Variants in CLSTN2 observed in about 807,000 individuals in gnomAD.
The protein encoded by CLSTN2 is calsyntenin 2, also known as calsyntenin-2.
A neutral mutation model predicts 101.2 loss-of-function variants in CLSTN2; 48 were observed. The observed-to-expected ratio is 0.47, with a 90% CI of 0.38 to 0.60. The LOEUF (loss-of-function observed/expected upper bound fraction) is 0.60. Ranked by LOEUF, CLSTN2 falls within the 20% of genes least tolerant of loss-of-function variation. The pLI is 0.00. For synonymous variants in CLSTN2, 481 were observed against 463.6 expected, an observed-to-expected ratio of 1.04 and a Z score of -0.48; for missense variants, 1,160 against 1,238.2, an observed-to-expected ratio of 0.94 and a Z score of 0.95.
chr3:139,989,670 A>G (rs1292457041), intron 1 of CLSTN2, among the ~76,000 whole-genome samples: 1 of 152,182 alleles, frequency 6.6e-6, no homozygotes, highest in Non-Finnish European at 1.5e-5. Context: ...AATGTACTCA[A>G]CAATTCTGCA....
chr3:140,048,926 T>C (rs1340610868), intron 1 of CLSTN2, among the ~76,000 whole-genome samples: 2 of 152,158 alleles, frequency 1.3e-5, no homozygotes, highest in African/African-American at 4.8e-5. Flanking sequence ...GCTGCTTCAC[T>C]ACCTCCATTC....
intron 1 of CLSTN2, among the ~76,000 whole-genome samples, chr3:139,990,124 T>A (rs1185892691): frequency 6.6e-6 from 1 of 152,222 alleles, no homozygotes. Context: ...GTGCTGTTAT[T>A]TTAACATACA....
chr3:140,381,767 C>T (rs921305480), intron 2 of CLSTN2, among the ~76,000 whole-genome samples: 1 of 152,226 alleles, frequency 6.6e-6, no homozygotes, highest in Non-Finnish European at 1.5e-5. Context: ...GTGCCAGAAA[C>T]AGGCTGGTGA....
At chr3:140,429,216 T>G (rs1191529423) in intron 5 of CLSTN2, among the ~76,000 whole-genome samples, 2 of 152,050 alleles carry the variant, frequency 1.3e-5, no homozygotes, top group African/African-American at 4.8e-5. Flanking sequence ...TTGGAGTGAA[T>G]TAGTTAACCC....
At chr3:140,322,059 G>C (rs2087288798) in intron 2 of CLSTN2, among the ~76,000 whole-genome samples, 1 of 152,228 alleles carries the variant, frequency 6.6e-6, no homozygotes, top group Non-Finnish European at 1.5e-5. Context: ...GGGAAAGGTA[G>C]CCCTGGGACA....
At chr3:140,484,449 C>T (rs1168010730) in intron 8 of CLSTN2, among the ~76,000 whole-genome samples, 4 of 152,052 alleles carry the variant, frequency 2.6e-5, no homozygotes, top group Non-Finnish European at 4.4e-5. Flanking sequence ...GTCTTGGAGT[C>T]GCTCTTCTCA....
chr3:140,043,874 AT>A (rs1361862993), intron 1 of CLSTN2, among the ~76,000 whole-genome samples: 1 of 152,050 alleles, frequency 6.6e-6, no homozygotes, highest in Non-Finnish European at 1.5e-5. Context: ...GTTCTGTTCC[AT>A]TGGTCTATAT....
intron 2 of CLSTN2, among the ~76,000 whole-genome samples, chr3:140,368,888 CA>C (rs2087821729): frequency 1.3e-5 from 2 of 152,208 alleles, no homozygotes; most frequent in African/African-American, 4.8e-5. Context: ...ATAGCATTAT[CA>C]TTCACGGATT....
chr3:140,236,034 T>C (rs1015696599), intron 2 of CLSTN2, among the ~76,000 whole-genome samples: 16 of 152,078 alleles, frequency 1.1e-4, no homozygotes, highest in Non-Finnish European at 2.1e-4. Context: ...CCTGAGCAAG[T>C]GTTAGCCCCA....
intron 2 of CLSTN2, among the ~76,000 whole-genome samples, chr3:140,321,505 T>C (rs556170014): frequency 1.4e-4 from 22 of 152,116 alleles, no homozygotes; most frequent in Non-Finnish European, 2.5e-4. Context: ...CATGCTCAGG[T>C]CCCCTGCCCT....
chr3:140,075,852 T>C (rs2008478629), intron 1 of CLSTN2, among the ~76,000 whole-genome samples: 1 of 152,016 alleles, frequency 6.6e-6, no homozygotes. Context: ...TGTCATCATG[T>C]CTCAGGTGGG....
chr3:140,304,421 G>A lies in CLSTN2; in HGVS notation c.233-99208G>A, dbSNP rs375812762. Among the ~76,000 whole-genome samples the A allele has an allele frequency of 1.9e-3, 293 of 152,306 alleles. 1 individual carries two copies. Among genetic ancestry groups the A allele is most frequent in the African/African-American group, 6.7e-3 (278 of 41,576 alleles). ...GCCAACTGATTCAGCTCCTGGTGAG[G>A]GTTCTCTTCCTGGCTTGCAGATGGC... On this transcript the variant is annotated intron_variant, in intron 2 of 16. Transcript: ENST00000458420.
At chr3:139,948,372 G>A (rs547842877) in intron 1 of CLSTN2, among the ~76,000 whole-genome samples, 3 of 152,120 alleles carry the variant, frequency 2.0e-5, no homozygotes, top group African/African-American at 7.2e-5. Flanking sequence ...GAGTGAGGCA[G>A]GAGAATCACT....
chr3:140,036,446 T>C (rs1274828406), intron 1 of CLSTN2, among the ~76,000 whole-genome samples: 1 of 152,124 alleles, frequency 6.6e-6, no homozygotes, highest in East Asian at 1.9e-4. Flanking sequence ...TCAGAGGGCA[T>C]TGTTCATCTC....
At chr3:140,274,062 G>T (rs1468481577) in intron 2 of CLSTN2, among the ~76,000 whole-genome samples, 2 of 152,178 alleles carry the variant, frequency 1.3e-5, no homozygotes, top group African/African-American at 4.8e-5. Flanking sequence ...GGAAGAGCCT[G>T]CCTGCTGCAC....
intron 2 of CLSTN2, among the ~76,000 whole-genome samples, chr3:140,218,579 C>A (rs568701693): frequency 4.6e-5 from 7 of 152,186 alleles, no homozygotes; most frequent in African/African-American, 1.7e-4. Context: ...TAAGTAGATA[C>A]ATTAAAAAAA....
At chr3:140,000,136 A>G (rs571484457) in intron 1 of CLSTN2, among the ~76,000 whole-genome samples, 1 of 152,102 alleles carries the variant, frequency 6.6e-6, no homozygotes, top group Non-Finnish European at 1.5e-5. Flanking sequence ...GGTTAACAAC[A>G]TAACTACATT....
At chr3:140,196,148 G>C (rs368740585) in intron 2 of CLSTN2, among the ~76,000 whole-genome samples, 1 of 152,172 alleles carries the variant, frequency 6.6e-6, no homozygotes, top group Non-Finnish European at 1.5e-5. Context: ...AGCCACACTA[G>C]CTCCAATAAC....
chr3:140,169,431 T>A (rs910458883), intron 1 of CLSTN2, among the ~76,000 whole-genome samples: 2 of 152,106 alleles, frequency 1.3e-5, no homozygotes, highest in Non-Finnish European at 2.9e-5. Flanking sequence ...ATAATGACAA[T>A]TTTACTTTTT....
Sources: allele counts gnomAD v4.1 joint callset (sites outside exome capture counted in the v4.1 genomes callset), GRCh38; gene constraint gnomAD v4.1.1; transcripts MANE v1.5; gene names NCBI Gene and HGNC (gene_info 2026-07-23, HGNC 2026-07-21).